Variants in LGALS3BP observed in about 807,000 individuals in gnomAD.
LGALS3BP encodes the protein galectin-3-binding protein.
Under a neutral mutation model 22.9 loss-of-function variants are expected in LGALS3BP, and 25 were observed. The ratio of observed to expected loss-of-function variants is 1.09; its 90% CI spans 0.80 to 1.53. The LOEUF (loss-of-function observed/expected upper bound fraction) is 1.53. Among genes scored for constraint, LGALS3BP ranks in the 40% most tolerant of loss-of-function variants. The pLI is 0.00. For synonymous variants in LGALS3BP, 335 were observed against 331.1 expected, an observed-to-expected ratio of 1.01 and a Z score of -0.13; for missense variants, 718 against 752.0, an observed-to-expected ratio of 0.95 and a Z score of 0.53.
intron 4 of LGALS3BP, 133 bp downstream of exon 4, chr17:78,974,555 C>T (rs78186895): frequency 6.7e-5 from 69 of 1,031,432 alleles, no homozygotes; most frequent in Middle Eastern, 3.2e-4. Flanking sequence ...CCTCTCCATG[C>T]GGAGTGGGCA....
chr17:78,972,102 G>A lies in LGALS3BP; in HGVS notation c.1232C>T (p.Ser411Leu), dbSNP rs377756711. ...TGTCACAAAGGCACTCCAGGTGGGC[G>A]AGGTGTAAATCCGGGGCTTGTAGGT... Reference protein sequence around the residue: ...EDTYKPRIYTSPTWSAFVTDS... With the variant: ...EDTYKPRIYTLPTWSAFVTDS... Residue 411 changes from serine to leucine, a missense_variant, in exon 6 of 6, where the codon TCG becomes TTG. Physicochemically the swap from Ser to Leu is moderately radical, Grantham distance 145 (BLOSUM62 -2). Transcript: ENST00000262776. The surrounding 1 kb of genome is among the most constrained non-coding windows in gnomAD (Gnocchi z 5.1). The A allele has an allele frequency of 2.4e-5, 39 of 1,613,238 alleles. No homozygotes were observed. Among genetic ancestry groups the A allele is most frequent in the Admixed American group, 5.0e-5 (3 of 59,988 alleles).
In LGALS3BP at chr17:78,972,732, C is replaced by T. The variant is rs753162116; in HGVS notation, c.630-28G>A. The T allele has an allele frequency of 3.4e-5, 52 of 1,513,618 alleles. No individual in the cohort carries two copies. Among genetic ancestry groups the T allele is most frequent in the Admixed American group, 4.5e-5 (2 of 44,378 alleles). 93.8% of individuals were successfully genotyped at this position (1,513,618 alleles called of 1,614,324 possible). Reference sequence around the variant, plus strand: ...GGGGAGAAAGAAGGAGAGCAGATGCCGGCCCCACAGGACAGCAGGGGAGCC... The same window carrying T: ...GGGGAGAAAGAAGGAGAGCAGATGCTGGCCCCACAGGACAGCAGGGGAGCC... On this transcript the variant is annotated intron_variant, in intron 5 of 5. Transcript: ENST00000262776. The surrounding 1 kb of genome is among the most constrained non-coding windows in gnomAD (Gnocchi z 5.1).
At chr17:78,974,577 A>G in intron 4 of LGALS3BP, 111 bp downstream of exon 4, 1 of 1,311,882 alleles carries the variant, frequency 7.6e-7, no homozygotes, top group Non-Finnish European at 1.0e-6. Flanking sequence ...GCGGTAGTGG[A>G]AGGAACCTTT....
At position 78,972,899 on chromosome 17, in the gene LGALS3BP, G is replaced by A; in HGVS notation, c.629+71C>T. The A allele has an allele frequency of 2.0e-6, 3 of 1,536,164 alleles. No individual in the cohort carries two copies. Among genetic ancestry groups the A allele is most frequent in the African/African-American group, 1.4e-5 (1 of 73,150 alleles). On this transcript the variant is annotated intron_variant, in intron 5 of 5. Transcript: ENST00000262776. This position sits in a 1 kb window ranked among gnomAD's most constrained non-coding sequence, Gnocchi z 5.1. ...GTATGTGCAGGTGTGTGTGTGGGGG[G>A]CTGTGCTTTTGAAGAGGGGAGGAGG...
chr17:78,976,162 G>A lies in LGALS3BP; in HGVS notation c.53-6C>T, dbSNP rs1356469595. The A allele has an allele frequency of 1.3e-6, 2 of 1,566,102 alleles. No individual in the cohort carries two copies. The highest frequency in any genetic ancestry group is 1.7e-6 in the Non-Finnish European group (2 of 1,155,754). The stretch of plus-strand genomic sequence containing the variant: ...CATGTCACCATCGTTCACGCCTGCA[G>A]GCAGAGACCAGCGAGGGCGAGGCTG... On this transcript the variant is annotated splice_region_variant and splice_polypyrimidine_tract_variant and intron_variant, in intron 2 of 5. Coordinates refer to ENST00000262776, the MANE Select transcript of LGALS3BP (RefSeq NM_005567.4). This position sits in a 1 kb window ranked among gnomAD's most constrained non-coding sequence, Gnocchi z 4.6.
At position 78,976,631 on chromosome 17, in the gene LGALS3BP, C is replaced by T. The variant is rs2070723308; in HGVS notation, c.53-475G>A. Among the ~76,000 whole-genome samples the T allele has an allele frequency of 6.6e-6, 1 of 152,154 alleles. No homozygotes were observed. Among genetic ancestry groups the T allele is most frequent in the Non-Finnish European group, 1.5e-5 (1 of 68,016 alleles). On this transcript the variant is annotated intron_variant, in intron 2 of 5. Coordinates refer to ENST00000262776, the MANE Select transcript of LGALS3BP (RefSeq NM_005567.4). This position sits in a 1 kb window ranked among gnomAD's most constrained non-coding sequence, Gnocchi z 4.6. ...AATGGGATTCCCCCGCCCCACATGT[C>T]CTTCTGGGACTCAGTCCACCAACAC...
At chr17:78,974,331 A>T (rs2070700012) in intron 4 of LGALS3BP, among the ~76,000 whole-genome samples, 2 of 152,244 alleles carry the variant, frequency 1.3e-5, no homozygotes, top group Admixed American at 1.3e-4. Context: ...GACGGGCTTG[A>T]GCCTGTCGCG....
Position 78,972,486 on chromosome 17 carries a change from A to C in LGALS3BP, c.848T>G (p.Leu283Arg). ...CGTCAAGGCCTCGAAGTTCCAGGCC[A>C]GGAACTGTAGGCAGAGCTTCTCCAG... The part of the protein sequence containing the change: ...ALLEKLCLQF[L>R]AWNFEALTQA... Residue 283 changes from leucine (L) to arginine (R), a missense_variant, in exon 6 of 6, where the codon CTG becomes CGG. Transcript: ENST00000262776. This position sits in a 1 kb window ranked among gnomAD's most constrained non-coding sequence, Gnocchi z 5.1. The C allele has an allele frequency of 6.2e-7, 1 of 1,613,360 alleles. No homozygotes were observed. The highest frequency in any genetic ancestry group is 2.2e-5 in the East Asian group (1 of 44,882).
chr17:78,973,305 T>A lies in LGALS3BP; in HGVS notation c.377-83A>T. The A allele has an allele frequency of 1.4e-6, 2 of 1,401,456 alleles. No homozygotes were observed. The highest frequency in any genetic ancestry group is 1.5e-5 in the South Asian group (1 of 67,178). The allele number at this position is 1,401,456 out of a possible 1,614,324, so 86.8% of individuals were successfully genotyped here. A position where few individuals can be genotyped will look rare whatever the true frequency, so the allele number is the denominator to read the frequency against. ...TGGGGTCAGTGTCTTCATCTGAAAGTGAGGGATTTGTGGCTGCCTCATTCA... is the reference window on the plus strand; with the variant it reads ...TGGGGTCAGTGTCTTCATCTGAAAGAGAGGGATTTGTGGCTGCCTCATTCA... On this transcript the variant is annotated intron_variant, in intron 4 of 5. Transcript: ENST00000262776. The surrounding 1 kb of genome is among the most constrained non-coding windows in gnomAD (Gnocchi z 5.8).
rs1260193663 is a variant in LGALS3BP at position 78,972,923 on chromosome 17, G to A, written c.629+47C>T. On this transcript the variant is annotated intron_variant, in intron 5 of 5. Coordinates refer to ENST00000262776, the MANE Select transcript of LGALS3BP (RefSeq NM_005567.4). This position sits in a 1 kb window ranked among gnomAD's most constrained non-coding sequence, Gnocchi z 5.1. ...GGCTGTGCTTTTGAAGAGGGGAGGAGGACAAAGCCCCTGGCGGCCCCAGAG... is the reference window on the plus strand; with the variant it reads ...GGCTGTGCTTTTGAAGAGGGGAGGAAGACAAAGCCCCTGGCGGCCCCAGAG... The A allele has an allele frequency of 6.4e-7, 1 of 1,567,180 alleles. No homozygotes were observed. Among genetic ancestry groups the A allele is most frequent in the Non-Finnish European group, 8.7e-7 (1 of 1,154,670 alleles).
rs1344063400 is a variant in LGALS3BP at position 78,972,955 on chromosome 17, G to T, written c.629+15C>A. ...GCCCCTGGCGGCCCCAGAGCCTGAG[G>T]ACGAGACGGCTCACCTGAGAAGGTC... On this transcript the variant is annotated intron_variant, in intron 5 of 5. Transcript: ENST00000262776. The surrounding 1 kb of genome is among the most constrained non-coding windows in gnomAD (Gnocchi z 5.1). 9 of 1,593,168 alleles carry T rather than the reference G, an allele frequency of 5.6e-6. No individual in the cohort carries two copies. The highest frequency in any genetic ancestry group is 7.7e-6 in the Non-Finnish European group (9 of 1,165,766).
chr17:78,972,258 A>T lies in LGALS3BP; in HGVS notation c.1076T>A (p.Leu359Gln), dbSNP rs771677674. The T allele has an allele frequency of 6.2e-7, 1 of 1,613,690 alleles. No homozygotes were observed. Among genetic ancestry groups the T allele is most frequent in the Non-Finnish European group, 8.5e-7 (1 of 1,179,924 alleles). The change falls in exon 6 of 6, where the codon CTG becomes CAG. Residue 359 changes from leucine (L) to glutamine (Q), a missense_variant. Coordinates refer to ENST00000262776, the MANE Select transcript of LGALS3BP (RefSeq NM_005567.4). This position sits in a 1 kb window ranked among gnomAD's most constrained non-coding sequence, Gnocchi z 5.1. Reference sequence around the variant, plus strand: ...CCAGTACAGGGACAGGTTGAACTGCAGCTCAAAGAGCTCCTCAGGGAGCAT... The same window carrying T: ...CCAGTACAGGGACAGGTTGAACTGCTGCTCAAAGAGCTCCTCAGGGAGCAT... ...PMMLPEELFE[L>Q]QFNLSLYWSH... is the part of the protein sequence containing the mutation.
chr17:78,975,876 T>C (rs1187730204), intron 3 of LGALS3BP, 89 bp downstream of exon 3: 2 of 776,498 alleles, frequency 2.6e-6, no homozygotes, highest in Non-Finnish European at 1.9e-6. Context: ...CTTTGAAACC[T>C]GACTGTTTCG....
At position 78,972,893 on chromosome 17, in the gene LGALS3BP, TG is replaced by T; in HGVS notation, c.629+76del. 2.0e-6 allele frequency: 3 copies of T among 1,522,294 alleles called. No individual in the cohort carries two copies. Among genetic ancestry groups the T allele is most frequent in the East Asian group, 2.3e-5 (1 of 44,130 alleles). 94.3% of individuals were successfully genotyped at this position (1,522,294 alleles called of 1,614,324 possible). A position where few individuals can be genotyped will look rare whatever the true frequency, so the allele number is the denominator to read the frequency against. On this transcript the variant is annotated intron_variant, in intron 5 of 5. Transcript: ENST00000262776. This position sits in a 1 kb window ranked among gnomAD's most constrained non-coding sequence, Gnocchi z 5.1. ...GCATGAGTATGTGCAGGTGTGTGTGTGGGGGGCTGTGCTTTTGAAGAGGGGA... is the reference window on the plus strand; with the variant it reads ...GCATGAGTATGTGCAGGTGTGTGTGTGGGGGCTGTGCTTTTGAAGAGGGGA...
In LGALS3BP at chr17:78,975,975, G is replaced by C; in HGVS notation, c.234C>G (p.Ala78=). The C allele has an allele frequency of 6.2e-7, 1 of 1,608,458 alleles. No homozygotes were observed. Among genetic ancestry groups the C allele is most frequent in the Middle Eastern group, 1.7e-4 (1 of 6,020 alleles). The change falls in exon 3 of 6, where the codon GCC becomes GCG. Residue 78 remains alanine, a synonymous_variant. Transcript: ENST00000262776. ...ENATQALGRA[A]FGQGSGPIML... is the part of the protein sequence containing the mutation. ...GACAGCAGGCCCTACCTTGCCCGAAGGCAGCTCTGCCCAGAGCCTGGGTGG... is the reference window on the plus strand; with the variant it reads ...GACAGCAGGCCCTACCTTGCCCGAACGCAGCTCTGCCCAGAGCCTGGGTGG...
At position 78,973,513 on chromosome 17, in the gene LGALS3BP, C is replaced by T. The variant is rs994102458; in HGVS notation, c.377-291G>A. On this transcript the variant is annotated intron_variant, in intron 4 of 5. Coordinates refer to ENST00000262776, the MANE Select transcript of LGALS3BP (RefSeq NM_005567.4). This position sits in a 1 kb window ranked among gnomAD's most constrained non-coding sequence, Gnocchi z 5.8. The stretch of plus-strand genomic sequence containing the variant: ...GCTCCCCCGACTCAGGCAGCAGCTC[C>T]GCATGGAGACTTGGTGGTACTGACT... Among the ~76,000 whole-genome samples the T allele has an allele frequency of 4.6e-5, 7 of 152,174 alleles. No individual in the cohort carries two copies. The highest frequency in any genetic ancestry group is 1.4e-4 in the African/African-American group (6 of 41,444).
intron 1 of LGALS3BP, among the ~76,000 whole-genome samples, chr17:78,977,735 C>T (rs1432147844): frequency 6.6e-6 from 1 of 152,058 alleles, no homozygotes; most frequent in Non-Finnish European, 1.5e-5. Flanking sequence ...GGAGGGGACT[C>T]GTCAGGAGAG....
In LGALS3BP at chr17:78,972,692, G is replaced by T. The variant is rs1307358563; in HGVS notation, c.642C>A (p.Ser214=). ...MVRDLLRYFY[S]RRIDITLSSV... ...ACGACAGGGTGATGTCAATCCTTCG[G>T]GAGTAGAAGTACCTGGGGAGAAAGA... is the stretch of plus-strand genomic sequence containing the variant. Residue 214 remains serine (S), a synonymous_variant, in exon 6 of 6, where the codon TCC becomes TCA. Coordinates refer to ENST00000262776, the MANE Select transcript of LGALS3BP (RefSeq NM_005567.4). The surrounding 1 kb of genome is among the most constrained non-coding windows in gnomAD (Gnocchi z 5.1). The T allele has an allele frequency of 6.6e-7, 1 of 1,516,924 alleles. No homozygotes were observed. The highest frequency in any genetic ancestry group is 1.3e-5 in the South Asian group (1 of 75,528). The allele number at this position is 1,516,924 out of a possible 1,614,324, so 94.0% of individuals were successfully genotyped here. A position where few individuals can be genotyped will look rare whatever the true frequency, so the allele number is the denominator to read the frequency against.
chr17:78,975,046 G>A, intron 3 of LGALS3BP: 1 of 561,442 alleles, frequency 1.8e-6, no homozygotes, highest in Non-Finnish European at 3.2e-6. Context: ...CTGCTTCAGC[G>A]ACATCACATT....
Sources: allele counts gnomAD v4.1 joint callset (sites outside exome capture counted in the v4.1 genomes callset), GRCh38; gene constraint gnomAD v4.1.1; non-coding constraint Gnocchi (gnomAD v3.1); transcripts MANE v1.5; gene names NCBI Gene and HGNC (gene_info 2026-07-23, HGNC 2026-07-21).